PCDHA12: variants seen among roughly 807,000 people sequenced by gnomAD.
PCDHA12 encodes the protein protocadherin alpha-12.
A neutral mutation model predicts 60.0 loss-of-function variants in PCDHA12; 44 were observed. That is an observed-to-expected ratio of 0.73 (90% CI 0.58 to 0.94). The LOEUF (loss-of-function observed/expected upper bound fraction) is 0.94. Among genes scored for constraint, PCDHA12 ranks in the 40% least tolerant of loss-of-function variants. The probability of loss-of-function intolerance (pLI) is 0.00; values close to 1 mark genes in which losing one functional copy is unlikely to be tolerated. For synonymous variants in PCDHA12, 569 were observed against 553.0 expected, an observed-to-expected ratio of 1.03 and a Z score of -0.40; for missense variants, 1,276 against 1,239.7, an observed-to-expected ratio of 1.03 and a Z score of -0.44.
chr5:140,968,208 AC>A, intron 1 of PCDHA12: 1 of 1,614,022 alleles, frequency 6.2e-7, no homozygotes, highest in Non-Finnish European at 8.5e-7. Context: ...ATACAGGAGA[AC>A]AATTTGCCAG....
At chr5:140,991,167 G>T (rs186627829) in intron 3 of PCDHA12, among the ~76,000 whole-genome samples, 2 of 152,270 alleles carry the variant, frequency 1.3e-5, no homozygotes, top group Non-Finnish European at 2.9e-5. Flanking sequence ...TATTCCCATT[G>T]TCAAGCAGGA....
chr5:141,008,438 A>G (rs1214725080), intron 3 of PCDHA12, among the ~76,000 whole-genome samples: 1 of 152,204 alleles, frequency 6.6e-6, no homozygotes, highest in Admixed American at 6.5e-5. Flanking sequence ...TTGCCCAGAC[A>G]GACCATTACC....
chr5:140,986,945 C>T (rs1295830111), intron 3 of PCDHA12, among the ~76,000 whole-genome samples: 1 of 151,946 alleles, frequency 6.6e-6, no homozygotes, highest in Non-Finnish European at 1.5e-5. Flanking sequence ...TGGGTGTGGT[C>T]GCTCATGCCT....
chr5:140,992,235 G>A (rs1272038759), intron 3 of PCDHA12, among the ~76,000 whole-genome samples: 7 of 152,154 alleles, frequency 4.6e-5, no homozygotes, highest in African/African-American at 1.7e-4. Flanking sequence ...GGAAGAGTAA[G>A]GAAGGAAGTA....
intron 1 of PCDHA12, chr5:140,883,037 A>C: frequency 6.2e-7 from 1 of 1,614,166 alleles, no homozygotes; most frequent in Non-Finnish European, 8.5e-7. Flanking sequence ...GAACGCCTTC[A>C]ATGGAACATT....
chr5:140,976,679 G>A (rs1314378983), intron 1 of PCDHA12, among the ~76,000 whole-genome samples: 2 of 152,086 alleles, frequency 1.3e-5, no homozygotes, highest in African/African-American at 4.8e-5. Flanking sequence ...TCTCATTTTT[G>A]CAATTTAAGT....
chr5:140,922,412 G>A lies in PCDHA12; in HGVS notation c.2367+44573G>A, dbSNP rs80310986. Among the ~76,000 whole-genome samples the A allele has an allele frequency of 7.3e-3, 1,117 of 152,260 alleles. 9 individuals carry two copies. Among genetic ancestry groups the A allele is most frequent in the Non-Finnish European group, 0.011 (755 of 68,032 alleles). ...CCTTGTTTTGGATTAAAAAGATCTA[G>A]GTACAGAGGCTGAGGGCAGAACTCT... is the stretch of plus-strand genomic sequence containing the variant. On this transcript the variant is annotated intron_variant, in intron 1 of 3. Coordinates refer to ENST00000398631, the MANE Select transcript of PCDHA12 (RefSeq NM_018903.4).
Position 141,009,935 on chromosome 5 carries a change from T to TGAG in PCDHA12, c.2826_*2dup. Reference sequence around the variant, plus strand: ...CAGCACGACTGACAACAGTGACCAGTGAGGTCCTCAAATGGAAACAAGCCA... The same window carrying TGAG: ...CAGCACGACTGACAACAGTGACCAGTGAGGAGGTCCTCAAATGGAAACAAGCCA... On this transcript the variant is annotated inframe_insertion and stop_retained_variant, in exon 4 of 4. Transcript: ENST00000398631. 6.2e-7 allele frequency: 1 copy of TGAG among 1,602,418 alleles called. No individual in the cohort carries two copies. The highest frequency in any genetic ancestry group is 8.5e-7 in the Non-Finnish European group (1 of 1,176,054).
chr5:140,899,101 G>T (rs1554188394), intron 1 of PCDHA12, among the ~76,000 whole-genome samples: 5 of 152,096 alleles, frequency 3.3e-5, no homozygotes, highest in Non-Finnish European at 7.4e-5. Context: ...CTGAGATAAT[G>T]GGGTTTTCTA....
chr5:141,009,944 C>T lies in PCDHA12; in HGVS notation c.*7C>T. On this transcript the variant is annotated 3_prime_UTR_variant, in exon 4 of 4. Coordinates refer to ENST00000398631, the MANE Select transcript of PCDHA12 (RefSeq NM_018903.4). Reference sequence around the variant, plus strand: ...TGACAACAGTGACCAGTGAGGTCCTCAAATGGAAACAAGCCACTTAGCCAG... The same window carrying T: ...TGACAACAGTGACCAGTGAGGTCCTTAAATGGAAACAAGCCACTTAGCCAG... The T allele has an allele frequency of 6.3e-7, 1 of 1,595,754 alleles. No individual in the cohort carries two copies. The highest frequency in any genetic ancestry group is 1.1e-5 in the South Asian group (1 of 87,514).
At chr5:140,928,555 A>T in intron 1 of PCDHA12, 1 of 1,614,240 alleles carries the variant, frequency 6.2e-7, no homozygotes, top group South Asian at 1.1e-5. Flanking sequence ...TTATCCGGTT[A>T]TCTTGTTTCC....
intron 1 of PCDHA12, among the ~76,000 whole-genome samples, chr5:140,901,174 G>C (rs782712619): frequency 1.3e-5 from 2 of 152,050 alleles, no homozygotes; most frequent in Non-Finnish European, 2.9e-5. Flanking sequence ...TCTTCACTTT[G>C]TTGATTGTTT....
chr5:140,983,754 A>T (rs2097065978), intron 3 of PCDHA12, among the ~76,000 whole-genome samples: 3 of 152,210 alleles, frequency 2.0e-5, no homozygotes. Flanking sequence ...AATCCATTCA[A>T]ATTCAAATAC....
chr5:140,934,534 GTTCTAA>G (rs1488792046), intron 1 of PCDHA12, among the ~76,000 whole-genome samples: 7 of 152,064 alleles, frequency 4.6e-5, no homozygotes, highest in Non-Finnish European at 7.4e-5. Flanking sequence ...GAGAGCTACC[GTTCTAA>G]TTCTATCATT....
At chr5:140,967,820 C>A (rs1162525542) in intron 1 of PCDHA12, 29 of 1,614,052 alleles carry the variant, frequency 1.8e-5, no homozygotes, top group Non-Finnish European at 2.5e-5. Context: ...CTGCAAGGTG[C>A]TGGTGGACAT....
chr5:140,880,790 T>C (rs2058480985), intron 1 of PCDHA12, among the ~76,000 whole-genome samples: 1 of 152,190 alleles, frequency 6.6e-6, no homozygotes, highest in African/African-American at 2.4e-5. Flanking sequence ...AGAGGAGTAA[T>C]ATAAATAGGT....
chr5:141,003,240 C>T (rs1563674729), intron 3 of PCDHA12, among the ~76,000 whole-genome samples: 2 of 152,150 alleles, frequency 1.3e-5, no homozygotes, highest in South Asian at 4.1e-4. Context: ...GAAATTTTGC[C>T]AAAAAGATTC....
chr5:140,971,702 T>G (rs1411821487), intron 1 of PCDHA12, among the ~76,000 whole-genome samples: 6 of 152,138 alleles, frequency 3.9e-5, no homozygotes, highest in African/African-American at 1.4e-4. Flanking sequence ...CTAACCACCC[T>G]GCTATATAGA....
chr5:140,906,786 A>G (rs1471436514), intron 1 of PCDHA12, among the ~76,000 whole-genome samples: 1 of 152,198 alleles, frequency 6.6e-6, no homozygotes, highest in Non-Finnish European at 1.5e-5. Flanking sequence ...GATCTTGTGT[A>G]TTCCATGCAT....
Sources: allele counts gnomAD v4.1 joint callset (sites outside exome capture counted in the v4.1 genomes callset), GRCh38; gene constraint gnomAD v4.1.1; transcripts MANE v1.5; gene names NCBI Gene and HGNC (gene_info 2026-07-23, HGNC 2026-07-21).